Variants in CSMD1 observed in about 807,000 individuals in gnomAD.
CSMD1 encodes the protein CUB and Sushi multiple domains 1, also known as CUB and sushi domain-containing protein 1.
In CSMD1, 213 loss-of-function variants were observed where a neutral mutation model predicts 417.5. The observed-to-expected ratio is 0.51, with a 90% CI of 0.46 to 0.57. The LOEUF (loss-of-function observed/expected upper bound fraction) is 0.57, where lower values mean the gene tolerates loss of function less well. CSMD1 is among the 20% of genes least tolerant of loss of function. CSMD1 has a pLI of 0.00. For missense variants in CSMD1, 6,923 were observed against 4,529.7 expected, an observed-to-expected ratio of 1.53 and a Z score of -15.17; for synonymous variants, 2,862 against 1,736.8, an observed-to-expected ratio of 1.65 and a Z score of -16.11.
At chr8:3,683,891 G>GT (rs1485360168) in intron 7 of CSMD1, among the ~76,000 whole-genome samples, 1 of 151,822 alleles carries the variant, frequency 6.6e-6, no homozygotes, top group Non-Finnish European at 1.5e-5. Context: ...TTTATTTGAT[G>GT]TTTATTGATT....
At chr8:3,534,987 G>A (rs527799846) in intron 10 of CSMD1, among the ~76,000 whole-genome samples, 85 of 152,058 alleles carry the variant, frequency 5.6e-4, no homozygotes, top group Non-Finnish European at 8.2e-4. Context: ...TGGCTTTGTC[G>A]CCCAGGCTGG....
chr8:3,427,722 A>G (rs1813945544), intron 12 of CSMD1, among the ~76,000 whole-genome samples: 1 of 152,214 alleles, frequency 6.6e-6, no homozygotes, highest in Non-Finnish European at 1.5e-5. Context: ...ATGGAAATGT[A>G]AAAGTAACTA....
At chr8:3,348,287 T>C (rs1239641155) in intron 21 of CSMD1, 126 bp from the exon 22 acceptor site, 10 of 665,486 alleles carry the variant, frequency 1.5e-5, no homozygotes, top group South Asian at 4.1e-5. Context: ...TAATATATTA[T>C]TTCAAAATAG....
chr8:4,702,427 T>C (rs150048937), intron 1 of CSMD1, among the ~76,000 whole-genome samples: 171 of 152,332 alleles, frequency 1.1e-3, no homozygotes, highest in African/African-American at 4.1e-3. Flanking sequence ...TTGAGTAAGA[T>C]GACATCTTGA....
intron 1 of CSMD1, among the ~76,000 whole-genome samples, chr8:4,697,483 T>C (rs1289830756): frequency 6.6e-6 from 1 of 152,216 alleles, no homozygotes; most frequent in Non-Finnish European, 1.5e-5. Context: ...CTATTAGGTA[T>C]AACATATTCC....
chr8:3,818,986 A>G (rs1801558689), intron 5 of CSMD1, among the ~76,000 whole-genome samples: 2 of 152,328 alleles, frequency 1.3e-5, no homozygotes, highest in Middle Eastern at 3.4e-3. Flanking sequence ...AGAGAGGGGA[A>G]AAGCTGACAT....
intron 2 of CSMD1, among the ~76,000 whole-genome samples, chr8:4,556,473 G>C (rs900626289): frequency 2.0e-5 from 3 of 152,128 alleles, no homozygotes; most frequent in African/African-American, 4.8e-5. Flanking sequence ...GCTTGCTACA[G>C]TCTCATGAGG....
intron 3 of CSMD1, among the ~76,000 whole-genome samples, chr8:4,181,442 G>C (rs762477388): frequency 6.6e-6 from 1 of 151,836 alleles, no homozygotes; most frequent in South Asian, 2.1e-4. Flanking sequence ...ATTGGAAAAA[G>C]AACTGTCTTG....
chr8:4,916,661 A>C (rs1270667208), intron 1 of CSMD1, among the ~76,000 whole-genome samples: 1 of 152,330 alleles, frequency 6.6e-6, no homozygotes, highest in East Asian at 1.9e-4. Flanking sequence ...TTACACAAAG[A>C]GTCTAGGCAT....
intron 1 of CSMD1, among the ~76,000 whole-genome samples, chr8:4,825,337 T>C (rs1334295943): frequency 6.6e-6 from 1 of 152,110 alleles, no homozygotes; most frequent in Non-Finnish European, 1.5e-5. Flanking sequence ...AGATATTTTC[T>C]TGTGTGCGGT....
Position 3,913,150 on chromosome 8 carries a change from A to C in CSMD1, c.818+84753T>G, listed in dbSNP as rs536626061. 1.9e-3 allele frequency among the ~76,000 whole-genome samples: 290 copies of C among 152,272 alleles called. 1 individual carries two copies. Among genetic ancestry groups the C allele is most frequent in the African/African-American group, 6.6e-3 (276 of 41,548 alleles). ...TGGCACCTTGAAATTTGAAGTATCC[A>C]TGTTACATCGACAGGGAGATGTTGA... On this transcript the variant is annotated intron_variant, in intron 5 of 69. Coordinates refer to ENST00000635120, the MANE Select transcript of CSMD1 (RefSeq NM_033225.6).
At chr8:3,349,798 T>C (rs1238540201) in intron 21 of CSMD1, among the ~76,000 whole-genome samples, 2 of 94,896 alleles carry the variant, frequency 2.1e-5, no homozygotes, top group African/African-American at 7.7e-5. Context: ...AATATATCTA[T>C]AAATAGATAT....
intron 3 of CSMD1, among the ~76,000 whole-genome samples, chr8:4,366,546 C>T (rs141336723): frequency 1.2e-4 from 19 of 152,242 alleles, no homozygotes; most frequent in Admixed American, 4.6e-4. Flanking sequence ...CCACTCACAG[C>T]ATATAAAAAC....
intron 14 of CSMD1, among the ~76,000 whole-genome samples, chr8:3,407,387 C>G (rs184304019): frequency 1.4e-5 from 2 of 139,008 alleles, no homozygotes; most frequent in East Asian, 4.5e-4. Context: ...ATTGATGGAA[C>G]GATGGATGGA....
intron 3 of CSMD1, among the ~76,000 whole-genome samples, chr8:4,367,670 A>G (rs1032037093): frequency 1.3e-5 from 2 of 152,160 alleles, no homozygotes; most frequent in African/African-American, 4.8e-5. Flanking sequence ...GATTTTCACA[A>G]TATTGAGTCT....
chr8:4,765,302 G>T (rs1410204088), intron 1 of CSMD1, among the ~76,000 whole-genome samples: 2 of 152,112 alleles, frequency 1.3e-5, no homozygotes, highest in Non-Finnish European at 2.9e-5. Context: ...TCTAACTCAG[G>T]GGTAGCAATC....
At chr8:3,075,570 C>T (rs1383720064) in intron 49 of CSMD1, among the ~76,000 whole-genome samples, 1 of 152,012 alleles carries the variant, frequency 6.6e-6, no homozygotes, top group Non-Finnish European at 1.5e-5. Flanking sequence ...CATGGACCAC[C>T]ATGCCAGGCT....
chr8:3,690,753 TTTC>T (rs570589794), intron 7 of CSMD1, among the ~76,000 whole-genome samples: 1 of 152,322 alleles, frequency 6.6e-6, no homozygotes, highest in South Asian at 2.1e-4. Flanking sequence ...TCTTAAATGT[TTTC>T]TTACTTTTAT....
chr8:4,216,368 G>C (rs978007259), intron 3 of CSMD1, among the ~76,000 whole-genome samples: 2 of 152,044 alleles, frequency 1.3e-5, no homozygotes, highest in South Asian at 2.1e-4. Context: ...TTTTAACATG[G>C]TGCACACACC....
Sources: allele counts gnomAD v4.1 joint callset (sites outside exome capture counted in the v4.1 genomes callset), GRCh38; gene constraint gnomAD v4.1.1; transcripts MANE v1.5; gene names NCBI Gene and HGNC (gene_info 2026-07-23, HGNC 2026-07-21).